Variants in APLF observed in about 807,000 individuals in gnomAD.
APLF encodes the protein aprataxin and PNKP like factor.
Under a neutral mutation model 55.6 loss-of-function variants are expected in APLF, and 61 were observed. The ratio of observed to expected loss-of-function variants is 1.10; its 90% CI spans 0.89 to 1.36. The LOEUF (loss-of-function observed/expected upper bound fraction) is 1.36, where lower values mean the gene tolerates loss of function less well. Among genes scored for constraint, APLF ranks in the 40% most tolerant of loss-of-function variants. APLF has a pLI of 0.00. For synonymous variants in APLF, 207 were observed against 214.8 expected (o/e 0.96, Z 0.32); for missense variants, 611 against 602.5 (o/e 1.01, Z -0.15).
intron 1 of APLF, among the ~76,000 whole-genome samples, chr2:68,483,830 T>G (rs1676043857): frequency 6.6e-6 from 1 of 152,152 alleles, no homozygotes. Flanking sequence ...GGAACCAAGT[T>G]ACATGAGAAC....
intron 8 of APLF, among the ~76,000 whole-genome samples, chr2:68,565,430 A>G (rs984750213): frequency 4.6e-5 from 7 of 151,928 alleles, no homozygotes; most frequent in African/African-American, 1.5e-4. Flanking sequence ...CCTGCACTCT[A>G]GCCTGGATAA....
chr2:68,538,160 G>A lies in APLF; in HGVS notation c.1093G>A (p.Val365Ile). 6.2e-7 allele frequency: 1 copy of A among 1,614,010 alleles called. No homozygotes were observed. The highest frequency in any genetic ancestry group is 8.5e-7 in the Non-Finnish European group (1 of 1,179,974). ...TTTGCATGCAAAGGCAACTGATTCAGTTCTACAAGGTTCTGAAGGAAACAA... is the reference window on the plus strand; with the variant it reads ...TTTGCATGCAAAGGCAACTGATTCAATTCTACAAGGTTCTGAAGGAAACAA... ...ETLHAKATDS[V>I]LQGSEGNKVK... The change falls in exon 7 of 10, where the codon GTT becomes ATT. Residue 365 changes from valine to isoleucine, a missense_variant. Transcript: ENST00000303795.
chr2:68,501,912 AT>A (rs2103931759), intron 2 of APLF, among the ~76,000 whole-genome samples: 1 of 152,284 alleles, frequency 6.6e-6, no homozygotes, highest in South Asian at 2.1e-4. Flanking sequence ...ACAGACATTT[AT>A]TTGGCTCACC....
intron 1 of APLF, among the ~76,000 whole-genome samples, chr2:68,473,449 T>C (rs1053587586): frequency 6.6e-6 from 1 of 152,198 alleles, no homozygotes; most frequent in African/African-American, 2.4e-5. Context: ...TCATGGATAA[T>C]ACAACTACAA....
chr2:68,498,643 A>G (rs1286736306), intron 2 of APLF, among the ~76,000 whole-genome samples: 2 of 152,244 alleles, frequency 1.3e-5, no homozygotes, highest in Non-Finnish European at 2.9e-5. Flanking sequence ...TTTAATCTAC[A>G]GCCTAGTATC....
At position 68,467,610 on chromosome 2, in the gene APLF, G is replaced by T; in HGVS notation, c.-122G>T. 1 of 784,566 alleles carries T rather than the reference G, an allele frequency of 1.3e-6. No individual in the cohort carries two copies. The highest frequency in any genetic ancestry group is 1.7e-6 in the Non-Finnish European group (1 of 578,230). The allele number at this position is 784,566 out of a possible 1,614,324, so 48.6% of individuals were successfully genotyped here. ...GAGAGGACCGGCGCAGCCGCGGGGA[G>T]CCTTTGAGGCCCTCCCTCGGTGTTT... On this transcript the variant is annotated 5_prime_UTR_variant, in exon 1 of 10. Coordinates refer to ENST00000303795, the MANE Select transcript of APLF (RefSeq NM_173545.3).
chr2:68,527,984 G>C (rs1233825940), intron 6 of APLF, among the ~76,000 whole-genome samples: 1 of 141,488 alleles, frequency 7.1e-6, no homozygotes, highest in East Asian at 2.2e-4. Context: ...ACTGTGAGGC[G>C]GCTGGGCAGA....
intron 1 of APLF, among the ~76,000 whole-genome samples, chr2:68,482,695 G>A (rs1194742829): frequency 2.0e-5 from 3 of 152,178 alleles, no homozygotes; most frequent in African/African-American, 7.2e-5. Flanking sequence ...AGCTAGGAGT[G>A]CAGGTGTGGG....
In APLF at chr2:68,545,305, T is replaced by C. The variant is rs116704384; in HGVS notation, c.1279T>C (p.Cys427Arg). The change falls in exon 8 of 10, where the codon TGT (cysteine) becomes CGT (arginine). Residue 427 changes from cysteine to arginine, a missense_variant. Physicochemically the swap from Cys to Arg is radical, Grantham distance 180. Transcript: ENST00000303795. Reference sequence around the variant, plus strand: ...GCCTGAATGTCCCTATGGACCATCCTGTTATAGGTATAGAAACTGAATGTT... The same window carrying C: ...GCCTGAATGTCCCTATGGACCATCCCGTTATAGGTATAGAAACTGAATGTT... ...DRPECPYGPS[C>R]YRKNPQHKIE... 25 of 1,612,980 alleles carry C rather than the reference T, an allele frequency of 1.5e-5. No homozygotes were observed. The African/African-American group carries it at 3.3e-4, about 22-fold the overall frequency.
At chr2:68,542,431 A>G (rs781121057) in intron 7 of APLF, among the ~76,000 whole-genome samples, 2 of 152,208 alleles carry the variant, frequency 1.3e-5, no homozygotes, top group Non-Finnish European at 1.5e-5. Context: ...TCTAGAATAC[A>G]TAAAGAACTA....
chr2:68,485,732 C>A (rs996736845), intron 1 of APLF, among the ~76,000 whole-genome samples: 5 of 151,808 alleles, frequency 3.3e-5, no homozygotes, highest in African/African-American at 1.2e-4. Flanking sequence ...CCCAGCCTTA[C>A]CCTCTGATAA....
intron 9 of APLF, among the ~76,000 whole-genome samples, chr2:68,570,872 C>T (rs566850789): frequency 4.6e-5 from 7 of 152,328 alleles, no homozygotes; most frequent in Admixed American, 2.0e-4. Flanking sequence ...AATTGCCACA[C>T]TGTCTTCCAC....
At position 68,490,275 on chromosome 2, in the gene APLF, T is replaced by G; in HGVS notation, c.168+14T>G. 1 of 1,604,416 alleles carries G rather than the reference T, an allele frequency of 6.2e-7. No individual in the cohort carries two copies. Among genetic ancestry groups the G allele is most frequent in the South Asian group, 1.1e-5 (1 of 89,314 alleles). On this transcript the variant is annotated intron_variant, in intron 2 of 9. Coordinates refer to ENST00000303795, the MANE Select transcript of APLF (RefSeq NM_173545.3). ...CGAATCAAACCGGTAAATATGTTATTAATGATTCATTTTAACTTTCATCTC... is the reference window on the plus strand; with the variant it reads ...CGAATCAAACCGGTAAATATGTTATGAATGATTCATTTTAACTTTCATCTC...
Position 68,529,166 on chromosome 2 carries a change from G to C in APLF, c.804+2924G>C, listed in dbSNP as rs181504375. The C allele has an allele frequency of 2.3e-4, 296 of 1,299,006 alleles. No homozygotes were observed. In the Middle Eastern group the frequency reaches 5.7e-3, roughly 25 times the overall value. The allele number at this position is 1,299,006 out of a possible 1,614,324, so 80.5% of individuals were successfully genotyped here. A position where few individuals can be genotyped will look rare whatever the true frequency, so the allele number is the denominator to read the frequency against. On this transcript the variant is annotated intron_variant, in intron 6 of 9. Coordinates refer to ENST00000303795, the MANE Select transcript of APLF (RefSeq NM_173545.3). The surrounding 1 kb of genome is among the most constrained non-coding windows in gnomAD (Gnocchi z 4.4). Reference sequence around the variant, plus strand: ...AGACAGCACGGGTTTCTTCCTTGAGGGGGGGCTCCAGACAACAGGAGGCAG... The same window carrying C: ...AGACAGCACGGGTTTCTTCCTTGAGCGGGGGCTCCAGACAACAGGAGGCAG...
intron 9 of APLF, 61 bp from the exon 10 acceptor site, chr2:68,577,759 T>A: frequency 1.3e-6 from 2 of 1,580,910 alleles, no homozygotes; most frequent in Non-Finnish European, 1.7e-6. Context: ...TATAGGTAGA[T>A]GTCTGTCATC....
chr2:68,544,442 T>A (rs2104016446), intron 7 of APLF, among the ~76,000 whole-genome samples: 1 of 152,322 alleles, frequency 6.6e-6, no homozygotes, highest in East Asian at 1.9e-4. Flanking sequence ...ATGCCTTCTC[T>A]AAAGTAGAGA....
In APLF at chr2:68,525,069, G is replaced by A. The variant is rs112446795; in HGVS notation, c.623-992G>A. Among the ~76,000 whole-genome samples, 987 of 152,180 alleles carry A rather than the reference G, an allele frequency of 6.5e-3. 7 individuals carry two copies. Among genetic ancestry groups the A allele is most frequent in the African/African-American group, 0.023 (942 of 41,536 alleles). On this transcript the variant is annotated intron_variant, in intron 5 of 9. Transcript: ENST00000303795. The stretch of plus-strand genomic sequence containing the variant: ...AGCACTTTGGGAGGCTGAGACAGGC[G>A]GATCACCTGAGGTGAGGAGTTCGAG...
At position 68,578,645 on chromosome 2, in the gene APLF, G is replaced by C. The variant is rs1244432652; in HGVS notation, c.*623G>C. ...TTCACCATGTAGGGAATGTTATTTT[G>C]TGTTCCACATCTGCAATTTACTGTA... On this transcript the variant is annotated 3_prime_UTR_variant, in exon 10 of 10. Coordinates refer to ENST00000303795, the MANE Select transcript of APLF (RefSeq NM_173545.3). 3 of 985,126 alleles carry C rather than the reference G, an allele frequency of 3.0e-6. No individual in the cohort carries two copies. Among genetic ancestry groups the C allele is most frequent in the African/African-American group, 3.5e-5 (2 of 57,200 alleles). 61.0% of individuals were successfully genotyped at this position (985,126 alleles called of 1,614,324 possible).
intron 2 of APLF, among the ~76,000 whole-genome samples, chr2:68,500,359 G>A (rs1417512423): frequency 6.6e-6 from 1 of 152,134 alleles, no homozygotes. Flanking sequence ...TGGATTTGCT[G>A]ACTGCCAATA....
Sources: gnomAD v4.1 joint callset for allele counts (sites outside exome capture counted in the v4.1 genomes callset) on GRCh38, gnomAD v4.1.1 for gene constraint, Gnocchi (gnomAD v3.1) non-coding constraint, MANE v1.5 for transcripts, NCBI Gene and HGNC (gene_info 2026-07-23, HGNC 2026-07-21) for gene names.